Variants in COL24A1 observed in about 807,000 individuals in gnomAD.
The protein encoded by COL24A1 is collagen alpha-1(XXIV) chain.
COL24A1 carries 224 observed loss-of-function variants against 253.9 expected under a neutral mutation model. The observed-to-expected ratio is 0.88, with a 90% CI of 0.79 to 0.99. COL24A1 has a LOEUF of 0.99. Among genes scored for constraint, COL24A1 ranks in the 50% least tolerant of loss-of-function variants. The probability of loss-of-function intolerance (pLI) is 0.00; values close to 1 mark genes in which losing one functional copy is unlikely to be tolerated. For missense variants in COL24A1, 2,131 were observed against 2,068.5 expected (o/e 1.03, Z -0.59); for synonymous variants, 685 against 673.7 (o/e 1.02, Z -0.26).
At position 85,966,406 on chromosome 1, in the gene COL24A1, T is replaced by C. The variant is rs535891959; in HGVS notation, c.2464-1344A>G. On this transcript the variant is annotated intron_variant, in intron 22 of 59. Coordinates refer to ENST00000370571, the MANE Select transcript of COL24A1 (RefSeq NM_152890.7). Reference sequence around the variant, plus strand: ...ACTGGATCAGTTAAATTCTTTCTAATCAGTAGAAAGATCTGACAGGAAGAA... The same window carrying C: ...ACTGGATCAGTTAAATTCTTTCTAACCAGTAGAAAGATCTGACAGGAAGAA... Among the ~76,000 whole-genome samples, 5 of 152,182 alleles carry C rather than the reference T, an allele frequency of 3.3e-5. No individual in the cohort carries two copies. The South Asian group carries it at 1.0e-3, about 32-fold the overall frequency.
At chr1:85,867,997 A>G (rs313774) in intron 37 of COL24A1, among the ~76,000 whole-genome samples, 62,519 of 151,940 alleles carry the variant, frequency 0.41, 13,347 homozygotes, top group South Asian at 0.59. Flanking sequence ...CACCCACTTC[A>G]GCTTCCCAAA....
intron 2 of COL24A1, among the ~76,000 whole-genome samples, chr1:86,145,078 C>T (rs1557814325): frequency 6.6e-6 from 1 of 152,066 alleles, no homozygotes; most frequent in African/African-American, 2.4e-5. Flanking sequence ...TATTTTAATT[C>T]ATCTATGTGA....
rs180955306 is a variant in COL24A1, at chr1:86,077,856, G to T, written c.1707+11318C>A. 1.6e-4 allele frequency among the ~76,000 whole-genome samples: 25 copies of T among 152,108 alleles called. No homozygotes were observed. In the East Asian group the frequency reaches 3.3e-3, roughly 20 times the overall value. ...CCTGTGGGGGTTGGGGGGCTGGGGAGGGCTAGCATTAGGAGAAATACCTAA... is the reference window on the plus strand; with the variant it reads ...CCTGTGGGGGTTGGGGGGCTGGGGATGGCTAGCATTAGGAGAAATACCTAA... On this transcript the variant is annotated intron_variant, in intron 7 of 59. Transcript: ENST00000370571.
chr1:85,875,164 TGG>T, intron 34 of COL24A1, 111 bp downstream of exon 34: 1 of 869,790 alleles, frequency 1.1e-6, no homozygotes, highest in Non-Finnish European at 1.9e-6. Flanking sequence ...TGTTTTTATC[TGG>T]GGGCTTCCAC....
At chr1:85,776,914 C>T (rs1668599340) in intron 52 of COL24A1, among the ~76,000 whole-genome samples, 1 of 151,730 alleles carries the variant, frequency 6.6e-6, no homozygotes, top group Admixed American at 6.6e-5. Context: ...CATTTTAAAC[C>T]AGGGTATTAA....
chr1:85,968,519 G>A (rs190322012), intron 22 of COL24A1, among the ~76,000 whole-genome samples: 2 of 152,010 alleles, frequency 1.3e-5, no homozygotes, highest in African/African-American at 4.8e-5. Flanking sequence ...TTCCTAACAA[G>A]CAAAAAGCAA....
intron 2 of COL24A1, among the ~76,000 whole-genome samples, chr1:86,128,776 T>C (rs1648709523): frequency 6.6e-6 from 1 of 151,986 alleles, no homozygotes; most frequent in African/African-American, 2.4e-5. Context: ...CACTTATTAC[T>C]GAATAAATTT....
chr1:85,988,294 G>T (rs1693918005), intron 19 of COL24A1, among the ~76,000 whole-genome samples: 1 of 151,820 alleles, frequency 6.6e-6, no homozygotes, highest in Non-Finnish European at 1.5e-5. Context: ...TTTGACCTGT[G>T]TTTACTTTAA....
intron 37 of COL24A1, among the ~76,000 whole-genome samples, chr1:85,858,502 A>G (rs1678714464): frequency 6.6e-6 from 1 of 151,962 alleles, no homozygotes; most frequent in Non-Finnish European, 1.5e-5. Flanking sequence ...GGCTTTCTCT[A>G]TGCTTAGGTG....
intron 1 of COL24A1, among the ~76,000 whole-genome samples, chr1:86,153,909 C>T (rs1339878992): frequency 6.6e-6 from 1 of 152,098 alleles, no homozygotes; most frequent in African/African-American, 2.4e-5. Context: ...TACAAATTCA[C>T]GTTAGGCAAC....
At chr1:86,039,153 C>G (rs1699263306) in intron 12 of COL24A1, among the ~76,000 whole-genome samples, 1 of 151,976 alleles carries the variant, frequency 6.6e-6, no homozygotes, top group Admixed American at 6.6e-5. Context: ...ATGCAGGGGC[C>G]CTCTAAAGCT....
rs1407813649 is a variant in COL24A1, at chr1:86,125,702, A to C, written c.634T>G (p.Ser212Ala). 1.2e-6 allele frequency: 2 copies of C among 1,610,684 alleles called. No homozygotes were observed. The highest frequency in any genetic ancestry group is 1.7e-6 in the Non-Finnish European group (2 of 1,177,924). Residue 212 changes from serine (S) to alanine (A), a missense_variant, in exon 3 of 60, where the codon TCT becomes GCT. Coordinates refer to ENST00000370571, the MANE Select transcript of COL24A1 (RefSeq NM_152890.7). ...CATACTATTCCTTCAAAATGGATAG[A>C]ATTATTATTCATACTTCCTAAAGTA... ...VFTLGSMNNN[S>A]IHFEGIVCQL...
chr1:86,016,232 C>T (rs933978688), intron 19 of COL24A1, among the ~76,000 whole-genome samples: 2 of 151,984 alleles, frequency 1.3e-5, no homozygotes, highest in African/African-American at 2.4e-5. Context: ...TAAGAATAGG[C>T]ATTTTCTAAA....
At chr1:85,886,325 A>C (rs1291824974) in intron 32 of COL24A1, among the ~76,000 whole-genome samples, 4 of 151,536 alleles carry the variant, frequency 2.6e-5, no homozygotes, top group Admixed American at 1.3e-4. Flanking sequence ...CTGGGATTAC[A>C]GGCGTGAGCC....
At chr1:85,997,451 T>G (rs1206690942) in intron 19 of COL24A1, among the ~76,000 whole-genome samples, 1 of 152,030 alleles carries the variant, frequency 6.6e-6, no homozygotes, top group Non-Finnish European at 1.5e-5. Flanking sequence ...TCTTGCAAAT[T>G]ACAGTATTCC....
chr1:85,918,570 T>C (rs556359125), intron 24 of COL24A1, among the ~76,000 whole-genome samples: 2 of 152,316 alleles, frequency 1.3e-5, no homozygotes, highest in South Asian at 4.1e-4. Flanking sequence ...GTAAGGAATG[T>C]GAACATACAG....
rs529159558 is a variant in COL24A1, at chr1:85,938,294, G to A, written c.2562+22955C>T. On this transcript the variant is annotated intron_variant, in intron 24 of 59. Coordinates refer to ENST00000370571, the MANE Select transcript of COL24A1 (RefSeq NM_152890.7). The stretch of plus-strand genomic sequence containing the variant: ...TGCTTTCCATTCCCACAAAATGTGA[G>A]CTCTGCAGACATGGAGGCCCTCGTC... 5.4e-5 allele frequency among the ~76,000 whole-genome samples: 8 copies of A among 147,006 alleles called. 2 individuals carry two copies. The highest frequency in any genetic ancestry group is 3.5e-3 in the Middle Eastern group (1 of 282).
chr1:85,891,117 C>A (rs1323277593), intron 31 of COL24A1, among the ~76,000 whole-genome samples: 1 of 151,444 alleles, frequency 6.6e-6, no homozygotes, highest in Non-Finnish European at 1.5e-5. Flanking sequence ...GCAGCATGAT[C>A]TTGGCTCACT....
chr1:86,126,237 G>C (rs370780114), intron 2 of COL24A1, 23 bp from the exon 3 acceptor site: 10 of 1,548,022 alleles, frequency 6.5e-6, no homozygotes, highest in Non-Finnish European at 8.6e-6. Flanking sequence ...AAAAGAGAGA[G>C]AGAAAGAATC....
Sources: gnomAD v4.1 joint callset for allele counts (sites outside exome capture counted in the v4.1 genomes callset) on GRCh38, gnomAD v4.1.1 for gene constraint, MANE v1.5 for transcripts, NCBI Gene and HGNC (gene_info 2026-07-23, HGNC 2026-07-21) for gene names.